The following ALDH1A1 variants were observed in gnomAD, a reference collection of about 807,000 sequenced individuals.
The protein encoded by ALDH1A1 is aldehyde dehydrogenase 1 family member A1.
A neutral mutation model predicts 62.1 loss-of-function variants in ALDH1A1; 19 were observed. The ratio of observed to expected loss-of-function variants is 0.31; its 90% CI spans 0.21 to 0.45. The LOEUF (loss-of-function observed/expected upper bound fraction) is 0.45. Ranked by LOEUF, ALDH1A1 falls within the 20% of genes least tolerant of loss-of-function variation. ALDH1A1 has a pLI of 1.00. For missense variants in ALDH1A1, 521 were observed against 607.1 expected (o/e 0.86, Z 1.49); for synonymous variants, 231 against 215.9 (o/e 1.07, Z -0.61).
At chr9:72,939,656 T>A (rs1438248423) in intron 2 of ALDH1A1, among the ~76,000 whole-genome samples, 2 of 151,966 alleles carry the variant, frequency 1.3e-5, no homozygotes, top group Admixed American at 1.3e-4. Flanking sequence ...TAGCTGGGAT[T>A]AGAGGCATGT....
intron 10 of ALDH1A1, among the ~76,000 whole-genome samples, chr9:72,910,478 A>C (rs1288358359): frequency 1.3e-5 from 2 of 152,164 alleles, no homozygotes; most frequent in Non-Finnish European, 2.9e-5. Context: ...TAATTGCAGG[A>C]CAGAAAACAA....
intron 1 of ALDH1A1, among the ~76,000 whole-genome samples, chr9:72,949,770 G>A (rs1830518941): frequency 6.7e-6 from 1 of 149,758 alleles, no homozygotes; most frequent in Non-Finnish European, 1.5e-5. Context: ...TACTAATTAA[G>A]TTAAACATTT....
At chr9:72,940,834 C>T (rs1305352694) in intron 1 of ALDH1A1, among the ~76,000 whole-genome samples, 2 of 151,970 alleles carry the variant, frequency 1.3e-5, no homozygotes, top group Non-Finnish European at 2.9e-5. Context: ...TGTCTTCAGA[C>T]AAAATCAGGA....
chr9:72,922,418 G>A (rs1044326068), intron 7 of ALDH1A1, among the ~76,000 whole-genome samples: 2 of 152,084 alleles, frequency 1.3e-5, no homozygotes, highest in African/African-American at 2.4e-5. Context: ...ATGGATGAGC[G>A]AAGACAAACT....
chr9:72,940,176 T>G lies in ALDH1A1; in HGVS notation c.143A>C (p.Glu48Ala), dbSNP rs1231085499. ...ATCTCCTTCTTCTACCTGGCAGAGCTCCTCCTCAGTTGCAGGATTAAAGAC... is the reference window on the plus strand; with the variant it reads ...ATCTCCTTCTTCTACCTGGCAGAGCGCCTCCTCAGTTGCAGGATTAAAGAC... ...FPVFNPATEEELCQVEEGDKE... is the reference protein window; with the variant it reads ...FPVFNPATEEALCQVEEGDKE... Residue 48 changes from glutamate to alanine, a missense_variant, in exon 2 of 13, where the codon GAG becomes GCG. By Grantham distance (107) the Glu-to-Ala change is moderately radical. Transcript: ENST00000297785. The G allele has an allele frequency of 6.2e-7, 1 of 1,613,278 alleles. No homozygotes were observed. Among genetic ancestry groups the G allele is most frequent in the South Asian group, 1.1e-5 (1 of 91,060 alleles).
In ALDH1A1 at chr9:72,928,924, G is replaced by A; in HGVS notation, c.410C>T (p.Ala137Val). Residue 137 changes from alanine to valine, a missense_variant, in exon 4 of 13, where the codon GCT becomes GTT. Transcript: ENST00000297785. Reference protein sequence around the residue: ...IKTLRYCAGWADKIQGRTIPI... With the variant: ...IKTLRYCAGWVDKIQGRTIPI... Reference sequence around the variant, plus strand: ...TATTGTACGGCCCTGGATCTTGTCAGCCCAACCTGCACAGTAGCGCAATGT... The same window carrying A: ...TATTGTACGGCCCTGGATCTTGTCAACCCAACCTGCACAGTAGCGCAATGT... 6.2e-7 allele frequency: 1 copy of A among 1,613,892 alleles called. No homozygotes were observed. Among genetic ancestry groups the A allele is most frequent in the Middle Eastern group, 1.7e-4 (1 of 6,060 alleles).
At chr9:72,949,838 A>AC (rs1367931340) in intron 1 of ALDH1A1, among the ~76,000 whole-genome samples, 1 of 107,214 alleles carries the variant, frequency 9.3e-6, no homozygotes, top group African/African-American at 2.8e-5. Flanking sequence ...TTTCCCTTTT[A>AC]TAAAAAAAAA....
chr9:72,931,724 T>G (rs558529430), intron 2 of ALDH1A1, among the ~76,000 whole-genome samples: 34 of 152,326 alleles, frequency 2.2e-4, no homozygotes, highest in Admixed American at 1.3e-3. Flanking sequence ...GGCATGGAAA[T>G]AGTGGAACTA....
chr9:72,924,176 TC>T (rs778427332), intron 6 of ALDH1A1, 44 bp from the exon 7 acceptor site: 1 of 1,412,192 alleles, frequency 7.1e-7, no homozygotes, highest in Non-Finnish European at 9.8e-7. Context: ...AGAATTTAAT[TC>T]AAAAAGGAGG....
chr9:72,914,411 T>G (rs1830034191), intron 9 of ALDH1A1, among the ~76,000 whole-genome samples: 1 of 152,212 alleles, frequency 6.6e-6, no homozygotes, highest in South Asian at 2.1e-4. Context: ...CCAATTGCAC[T>G]GCAGAATTAT....
At chr9:72,925,776 C>T (rs1437260800) in intron 5 of ALDH1A1, among the ~76,000 whole-genome samples, 164 bp from the exon 6 acceptor site, 1 of 151,892 alleles carries the variant, frequency 6.6e-6, no homozygotes, top group Admixed American at 6.6e-5. Flanking sequence ...CTAGTAAATG[C>T]TAAAACGCTC....
chr9:72,917,248 A>G (rs2118509863), intron 8 of ALDH1A1, 144 bp from the exon 9 acceptor site: 1 of 520,170 alleles, frequency 1.9e-6, no homozygotes. Context: ...CCTACCAGCC[A>G]GGTGGCAAAT....
intron 3 of ALDH1A1, among the ~76,000 whole-genome samples, chr9:72,929,846 T>C (rs1198470066): frequency 5.3e-5 from 8 of 152,206 alleles, no homozygotes; most frequent in African/African-American, 1.2e-4. Flanking sequence ...CTATAGGATC[T>C]TATGCTGACA....
chr9:72,908,213 A>C (rs1829900993), intron 11 of ALDH1A1, among the ~76,000 whole-genome samples: 1 of 151,974 alleles, frequency 6.6e-6, no homozygotes, highest in African/African-American at 2.4e-5. Context: ...TGAGGTCAGG[A>C]GTTCGAGACC....
intron 6 of ALDH1A1, among the ~76,000 whole-genome samples, chr9:72,924,907 C>A (rs1830185458): frequency 6.6e-6 from 1 of 152,136 alleles, no homozygotes. Flanking sequence ...TTAACACAAT[C>A]TAGATAGCTG....
intron 2 of ALDH1A1, among the ~76,000 whole-genome samples, chr9:72,931,527 C>G (rs1366743853): frequency 6.6e-6 from 1 of 152,144 alleles, no homozygotes; most frequent in African/African-American, 2.4e-5. Context: ...TTCTTAGTGA[C>G]TGGGTTACAG....
At position 72,925,577 on chromosome 9, in the gene ALDH1A1, T is replaced by C. The variant is rs200452607; in HGVS notation, c.540A>G (p.Ile180Met). The change falls in exon 6 of 13, where the codon ATA becomes ATG. Residue 180 changes from isoleucine (I) to methionine (M), a missense_variant. By Grantham distance (10) the Ile-to-Met change is conservative. Coordinates refer to ENST00000297785, the MANE Select transcript of ALDH1A1 (RefSeq NM_000689.5). Reference protein sequence around the residue: ...NFPLVMLIWKIGPALSCGNTV... With the variant: ...NFPLVMLIWKMGPALSCGNTV... ...TGTTTCCACAGCTCAGTGCAGGCCCTATCTTCCAAATGAGCATAACCAACG... is the reference window on the plus strand; with the variant it reads ...TGTTTCCACAGCTCAGTGCAGGCCCCATCTTCCAAATGAGCATAACCAACG... 6.0e-5 allele frequency: 97 copies of C among 1,613,512 alleles called. No homozygotes were observed. Among genetic ancestry groups the C allele is most frequent in the Non-Finnish European group, 8.1e-5 (95 of 1,179,742 alleles).
At chr9:72,940,029 G>A in intron 2 of ALDH1A1, 119 bp downstream of exon 2, 1 of 610,376 alleles carries the variant, frequency 1.6e-6, no homozygotes, top group Non-Finnish European at 2.8e-6. Flanking sequence ...TTCCTAAGCT[G>A]CCCCAGAAAC....
At chr9:72,902,750 C>T (rs376017728) in intron 12 of ALDH1A1, among the ~76,000 whole-genome samples, 15 of 152,004 alleles carry the variant, frequency 9.9e-5, no homozygotes, top group Middle Eastern at 3.4e-3. Flanking sequence ...ACTATATCTA[C>T]GACATAGCCC....
Sources: allele counts gnomAD v4.1 joint callset (sites outside exome capture counted in the v4.1 genomes callset), GRCh38; gene constraint gnomAD v4.1.1; transcripts MANE v1.5; gene names NCBI Gene and HGNC (gene_info 2026-07-23, HGNC 2026-07-21).